The following ROBO1 variants were observed in gnomAD, a reference collection of about 807,000 sequenced individuals.
ROBO1 encodes roundabout guidance receptor 1.
Under a neutral mutation model 195.9 loss-of-function variants are expected in ROBO1, and 149 were observed. The observed-to-expected ratio is 0.76, with a 90% CI of 0.67 to 0.87. The LOEUF is 0.87. Ranked by LOEUF, ROBO1 falls within the 40% of genes least tolerant of loss-of-function variation. The pLI is 0.00. For missense variants in ROBO1, 1,933 were observed against 2,068.3 expected (o/e 0.93, Z 1.27); for synonymous variants, 816 against 733.2 (o/e 1.11, Z -1.82).
Position 79,237,649 on chromosome 3 carries a change from G to A in ROBO1, c.89-112110C>T, listed in dbSNP as rs572672756. Among the ~76,000 whole-genome samples the A allele has an allele frequency of 1.5e-4, 23 of 152,154 alleles. No homozygotes were observed. In the South Asian group the frequency reaches 4.6e-3, roughly 30 times the overall value. On this transcript the variant is annotated intron_variant, in intron 2 of 30. Transcript: ENST00000464233. ...TGAAAAAGCTAGAGTTAATTTCTCC[G>A]GCGGTCACTCTATCCGAGTCATACA...
At chr3:78,609,339 C>T (rs1202081096) in intron 28 of ROBO1, among the ~76,000 whole-genome samples, 1 of 152,058 alleles carries the variant, frequency 6.6e-6, no homozygotes, top group African/African-American at 2.4e-5. Context: ...ATAGATCATT[C>T]CTGAAGTTGT....
intron 1 of ROBO1, among the ~76,000 whole-genome samples, chr3:79,689,282 G>C (rs763465993): frequency 6.6e-6 from 1 of 151,944 alleles, no homozygotes; most frequent in Non-Finnish European, 1.5e-5. Flanking sequence ...ATTGTAGATG[G>C]TGTGAAAATC....
chr3:79,455,126 T>TAA lies in ROBO1; in HGVS notation c.88+134696_88+134697dup, dbSNP rs111414854. Reference sequence around the variant, plus strand: ...GAGTTTAGTTTCAATTCACACCTTGTAAAAAAAAAAAGGCTAAAATATGCA... The same window carrying TAA: ...GAGTTTAGTTTCAATTCACACCTTGTAAAAAAAAAAAAAGGCTAAAATATGCA... On this transcript the variant is annotated intron_variant, in intron 2 of 30. Coordinates refer to ENST00000464233, the MANE Select transcript of ROBO1 (RefSeq NM_002941.4). Among the ~76,000 whole-genome samples, 6 of 142,680 alleles carry TAA rather than the reference T, an allele frequency of 4.2e-5. No individual in the cohort carries two copies. In the South Asian group the frequency reaches 1.1e-3, roughly 26 times the overall value. 93.6% of individuals were successfully genotyped at this position (142,680 alleles called of 152,430 possible). A position where few individuals can be genotyped will look rare whatever the true frequency, so the allele number is the denominator to read the frequency against.
At chr3:79,284,925 T>C (rs560664610) in intron 2 of ROBO1, among the ~76,000 whole-genome samples, 1 of 151,848 alleles carries the variant, frequency 6.6e-6, no homozygotes, top group East Asian at 1.9e-4. Flanking sequence ...CAAAATAGCC[T>C]GGAAAAAAAA....
chr3:79,441,287 T>A (rs2039045368), intron 2 of ROBO1, among the ~76,000 whole-genome samples: 1 of 152,144 alleles, frequency 6.6e-6, no homozygotes, highest in African/African-American at 2.4e-5. Flanking sequence ...CATAGACTCC[T>A]AAATAACAGA....
At chr3:78,963,708 G>A (rs1047809222) in intron 3 of ROBO1, among the ~76,000 whole-genome samples, 17 of 151,408 alleles carry the variant, frequency 1.1e-4, no homozygotes, top group Middle Eastern at 3.4e-3. Flanking sequence ...TAGTAGAGAC[G>A]GGGTTTCACC....
intron 4 of ROBO1, among the ~76,000 whole-genome samples, chr3:78,827,017 C>A (rs866554202): frequency 6.6e-6 from 1 of 151,842 alleles, no homozygotes; most frequent in Admixed American, 6.6e-5. Context: ...TTATATAAAA[C>A]AAAGAGGAAA....
intron 2 of ROBO1, among the ~76,000 whole-genome samples, chr3:79,343,996 T>A (rs531491088): frequency 3.5e-4 from 53 of 152,090 alleles, no homozygotes; most frequent in Admixed American, 7.9e-4. Context: ...AGTCAGAATA[T>A]GTAGGAAAAA....
chr3:79,236,971 C>T (rs966305956), intron 2 of ROBO1, among the ~76,000 whole-genome samples: 4 of 152,168 alleles, frequency 2.6e-5, no homozygotes, highest in East Asian at 1.9e-4. Context: ...AGTGACATTC[C>T]ATGGCTTAAC....
At chr3:79,323,207 A>T (rs1457809908) in intron 2 of ROBO1, among the ~76,000 whole-genome samples, 1 of 151,594 alleles carries the variant, frequency 6.6e-6, no homozygotes, top group Admixed American at 6.6e-5. Flanking sequence ...TTAGCCCCCC[A>T]AGTAGCTGGG....
intron 1 of ROBO1, among the ~76,000 whole-genome samples, chr3:79,693,641 TGGC>T (rs1172331398): frequency 6.6e-6 from 1 of 151,750 alleles, no homozygotes. Flanking sequence ...CTCGGTAATG[TGGC>T]CCAGGCTGGT....
At chr3:78,987,644 A>T (rs1354600999) in intron 3 of ROBO1, among the ~76,000 whole-genome samples, 1 of 150,948 alleles carries the variant, frequency 6.6e-6, no homozygotes, top group African/African-American at 2.4e-5. Flanking sequence ...GAGATGGTGA[A>T]TGGGTACCAA....
At chr3:78,623,726 G>T (rs1024262516) in intron 26 of ROBO1, among the ~76,000 whole-genome samples, 11 of 152,148 alleles carry the variant, frequency 7.2e-5, no homozygotes, top group Admixed American at 5.9e-4. Context: ...ACGGCTGTCG[G>T]AACTAGGAAA....
At chr3:78,840,715 G>A (rs2033127417) in intron 4 of ROBO1, among the ~76,000 whole-genome samples, 1 of 152,128 alleles carries the variant, frequency 6.6e-6, no homozygotes, top group South Asian at 2.1e-4. Context: ...TATTTATGCT[G>A]TTGCAAACAG....
rs184316411 is a variant in ROBO1, at chr3:78,961,991, C to T, written c.173-23064G>A. 7.3e-5 allele frequency among the ~76,000 whole-genome samples: 11 copies of T among 151,158 alleles called. No individual in the cohort carries two copies. The East Asian group carries it at 1.6e-3, about 21-fold the overall frequency. On this transcript the variant is annotated intron_variant, in intron 3 of 30. Coordinates refer to ENST00000464233, the MANE Select transcript of ROBO1 (RefSeq NM_002941.4). ...TCAGTTACTGGGTCGGTTTCTTCAT[C>T]CATAAAATGAGGTTAATATAGCATG...
chr3:79,043,412 G>C (rs1312125138), intron 3 of ROBO1, among the ~76,000 whole-genome samples: 1 of 151,896 alleles, frequency 6.6e-6, no homozygotes, highest in Non-Finnish European at 1.5e-5. Flanking sequence ...TGATCCATCT[G>C]TTTATTGAAA....
At chr3:79,539,569 A>G (rs1356498238) in intron 2 of ROBO1, among the ~76,000 whole-genome samples, 1 of 152,132 alleles carries the variant, frequency 6.6e-6, no homozygotes, top group Non-Finnish European at 1.5e-5. Context: ...CTTCATTTTA[A>G]TATTATAGTA....
At chr3:78,690,364 C>T (rs1176428916) in intron 8 of ROBO1, among the ~76,000 whole-genome samples, 3 of 151,872 alleles carry the variant, frequency 2.0e-5, no homozygotes, top group South Asian at 2.1e-4. Context: ...AGGTCAAAGG[C>T]TTTCAAATGT....
At chr3:79,051,717 A>G (rs148976173) in intron 3 of ROBO1, among the ~76,000 whole-genome samples, 111 of 152,256 alleles carry the variant, frequency 7.3e-4, no homozygotes, top group African/African-American at 2.6e-3. Flanking sequence ...CCATGGCAGA[A>G]GAACATAAGT....
Sources: gnomAD v4.1 joint callset for allele counts (sites outside exome capture counted in the v4.1 genomes callset) on GRCh38, gnomAD v4.1.1 for gene constraint, MANE v1.5 for transcripts, NCBI Gene and HGNC (gene_info 2026-07-23, HGNC 2026-07-21) for gene names.